ARK2C: variants seen among roughly 807,000 people sequenced by gnomAD.
ARK2C encodes the protein E3 ubiquitin-protein ligase ARK2C.
the ARK2C span, among the ~76,000 whole-genome samples, chr18:46,433,668 G>C: frequency 1.3e-5 from 2 of 152,226 alleles, no homozygotes; most frequent in Non-Finnish European, 2.9e-5. Flanking sequence ...TGGCCTGGCC[G>C]GCAGTCACCA....
At chr18:46,405,316 C>T in the ARK2C span, among the ~76,000 whole-genome samples, 1 of 152,134 alleles carries the variant, frequency 6.6e-6, no homozygotes, top group Non-Finnish European at 1.5e-5. Context: ...GTTGTCCCTG[C>T]TGCTGCTGGG....
the ARK2C span, among the ~76,000 whole-genome samples, chr18:46,366,292 CAAAAAAAAAAAAAA>C: frequency 3.7e-5 from 2 of 54,494 alleles, no homozygotes; most frequent in African/African-American, 6.1e-5. Flanking sequence ...AACTCTGGCT[CAAAAAAAAAAAAAA>C]AAAAAAAAAA....
the ARK2C span, among the ~76,000 whole-genome samples, chr18:46,396,390 G>A: frequency 3.9e-5 from 6 of 152,240 alleles, no homozygotes; most frequent in Middle Eastern, 3.4e-3. Flanking sequence ...AAGCGTTAGT[G>A]GGTTCAGGCT....
chr18:46,439,638 G>A, the ARK2C span, among the ~76,000 whole-genome samples: 1 of 152,112 alleles, frequency 6.6e-6, no homozygotes, highest in South Asian at 2.1e-4. Context: ...TCTGAAGTTG[G>A]TGCCCATAGA....
At chr18:46,408,082 C>T in the ARK2C span, among the ~76,000 whole-genome samples, 1 of 152,064 alleles carries the variant, frequency 6.6e-6, no homozygotes, top group Non-Finnish European at 1.5e-5. Context: ...TGGGGAAGCT[C>T]CAGGATGTCT....
chr18:46,461,027 G>A, the ARK2C span: 2 of 152,222 alleles, frequency 1.3e-5, no homozygotes, highest in South Asian at 2.1e-4. Context: ...GGGCACTAGA[G>A]GCCACTGTCT....
the ARK2C span, chr18:46,334,574 C>G: frequency 1.4e-5 from 7 of 490,984 alleles, no homozygotes; most frequent in Non-Finnish European, 2.5e-5. This position sits in a 1 kb window ranked among gnomAD's most constrained non-coding sequence, Gnocchi z 4.4. Flanking sequence ...TCCCCAGCCC[C>G]ATTTTTTATT....
At chr18:46,391,276 A>G in the ARK2C span, among the ~76,000 whole-genome samples, 2 of 152,178 alleles carry the variant, frequency 1.3e-5, no homozygotes, top group Admixed American at 1.3e-4. Flanking sequence ...CAGCACCTTC[A>G]CCTGTAGCGG....
At chr18:46,405,365 G>A in the ARK2C span, among the ~76,000 whole-genome samples, 4 of 152,122 alleles carry the variant, frequency 2.6e-5, no homozygotes, top group Admixed American at 1.3e-4. Flanking sequence ...GCTGGCACTC[G>A]GAAGGGGGCC....
At chr18:46,353,679 AG>A in the ARK2C span, among the ~76,000 whole-genome samples, 1 of 152,164 alleles carries the variant, frequency 6.6e-6, no homozygotes, top group African/African-American at 2.4e-5. Flanking sequence ...GCTGGTAGGC[AG>A]GGGGCCAGGA....
the ARK2C span, among the ~76,000 whole-genome samples, chr18:46,396,144 C>T: frequency 6.6e-6 from 1 of 152,202 alleles, no homozygotes. Flanking sequence ...GGAGCTAGAA[C>T]AGTCACTTCC....
chr18:46,406,384 C>T, the ARK2C span, among the ~76,000 whole-genome samples: 44 of 152,326 alleles, frequency 2.9e-4, no homozygotes, highest in African/African-American at 9.4e-4. Flanking sequence ...GGGTGCTGGC[C>T]GGGGCTGGCC....
the ARK2C span, among the ~76,000 whole-genome samples, chr18:46,419,574 C>T: frequency 6.6e-6 from 1 of 152,202 alleles, no homozygotes; most frequent in East Asian, 1.9e-4. Flanking sequence ...GCTGGAGTGA[C>T]CGGGTCAAAG....
At chr18:46,406,783 C>T in the ARK2C span, among the ~76,000 whole-genome samples, 4 of 152,354 alleles carry the variant, frequency 2.6e-5, no homozygotes, top group Middle Eastern at 3.4e-3. Context: ...TCATCCTGTC[C>T]CACAGGGACC....
the ARK2C span, among the ~76,000 whole-genome samples, chr18:46,421,170 G>T: frequency 7.9e-5 from 12 of 152,204 alleles, no homozygotes; most frequent in Non-Finnish European, 1.8e-4. Context: ...TATACTCATT[G>T]CAAAGAATTC....
the ARK2C span, among the ~76,000 whole-genome samples, chr18:46,355,451 A>C: frequency 1.4e-4 from 21 of 152,088 alleles, no homozygotes; most frequent in Non-Finnish European, 2.8e-4. Flanking sequence ...GGATCACAGG[A>C]GATCCTTGCT....
the ARK2C span, among the ~76,000 whole-genome samples, chr18:46,348,908 G>C: frequency 1.7e-5 from 2 of 117,844 alleles, no homozygotes; most frequent in African/African-American, 6.9e-5. Flanking sequence ...TTCTGTGTGT[G>C]TGTGTGTGTG....
At chr18:46,393,536 C>G in the ARK2C span, among the ~76,000 whole-genome samples, 1 of 152,178 alleles carries the variant, frequency 6.6e-6, no homozygotes, top group Non-Finnish European at 1.5e-5. Flanking sequence ...CCCCCGCCAC[C>G]ACCCCACCCC....
the ARK2C span, among the ~76,000 whole-genome samples, chr18:46,424,106 A>G: frequency 2.6e-5 from 4 of 152,258 alleles, no homozygotes; most frequent in Non-Finnish European, 4.4e-5. Context: ...AATGCCAAGT[A>G]TAATGGCCTA....
Sources: gnomAD v4.1 joint callset for allele counts (sites outside exome capture counted in the v4.1 genomes callset) on GRCh38, gnomAD v4.1.1 for gene constraint, Gnocchi (gnomAD v3.1) non-coding constraint, MANE v1.5 for transcripts, NCBI Gene and HGNC (gene_info 2026-07-23, HGNC 2026-07-21) for gene names.